The following LARP1 variants were observed in gnomAD, a reference collection of about 807,000 sequenced individuals.
LARP1 encodes the protein la-related protein 1.
Under a neutral mutation model 122.7 loss-of-function variants are expected in LARP1, and 36 were observed. That is an observed-to-expected ratio of 0.29 (90% confidence interval 0.22 to 0.39). The LOEUF is 0.39. Ranked by LOEUF, LARP1 falls within the 10% of genes least tolerant of loss-of-function variation. The probability of loss-of-function intolerance (pLI) is 1.00; values close to 1 mark genes in which losing one functional copy is unlikely to be tolerated. For missense variants in LARP1, 1,040 were observed against 1,403.6 expected (o/e 0.74, Z 4.14); for synonymous variants, 539 against 528.7 (o/e 1.02, Z -0.27).
chr5:154,711,090 A>C (rs1755194379), upstream of LARP1, among the ~76,000 whole-genome samples: 2 of 151,914 alleles, frequency 1.3e-5, no homozygotes, highest in Non-Finnish European at 2.9e-5. Context: ...TGGAATTTTG[A>C]AGACTACTAC....
At chr5:154,688,530 C>T (rs1017763005) in intron 1 of LARP1, among the ~76,000 whole-genome samples, 6 of 151,258 alleles carry the variant, frequency 4.0e-5, no homozygotes, top group South Asian at 2.1e-4. Flanking sequence ...TGGTGGATGC[C>T]GGTCATCCTA....
intron 1 of LARP1, among the ~76,000 whole-genome samples, chr5:154,769,512 A>G (rs978343252): frequency 1.3e-5 from 2 of 152,222 alleles, no homozygotes; most frequent in Non-Finnish European, 2.9e-5. Flanking sequence ...GTTGCACTCA[A>G]TAGAGGTGAG....
chr5:154,794,412 GT>G, intron 7 of LARP1, 150 bp downstream of exon 7: 1 of 703,866 alleles, frequency 1.4e-6, no homozygotes, highest in South Asian at 2.2e-5. Context: ...TATTAAAGAA[GT>G]GATACCACAT....
At chr5:154,685,917 CA>C in intron 1 of LARP1, 1 of 484,884 alleles carries the variant, frequency 2.1e-6, no homozygotes, top group Non-Finnish European at 4.0e-6. Context: ...AATGCTTCCC[CA>C]AGCTACCTCG....
intron 1 of LARP1, among the ~76,000 whole-genome samples, chr5:154,700,082 CT>C (rs1754643509): frequency 1.3e-5 from 2 of 152,100 alleles, no homozygotes. Context: ...AGGGCCTGGA[CT>C]AGGGTGAGGG....
At chr5:154,687,633 G>A (rs533917742) in intron 1 of LARP1, among the ~76,000 whole-genome samples, 5 of 151,972 alleles carry the variant, frequency 3.3e-5, no homozygotes, top group African/African-American at 4.8e-5. Flanking sequence ...TGCCTGCATC[G>A]GCCTCCCAAA....
At chr5:154,799,844 G>T in intron 9 of LARP1, 29 bp from the exon 10 acceptor site, 1 of 1,611,582 alleles carries the variant, frequency 6.2e-7, no homozygotes, top group Non-Finnish European at 8.5e-7. Flanking sequence ...GGACTGGAGG[G>T]ATGAGGACTT....
Position 154,795,233 on chromosome 5 carries a change from G to A in LARP1, c.1291G>A (p.Asp431Asn). The A allele has an allele frequency of 2.5e-6, 4 of 1,613,768 alleles. No homozygotes were observed. Among genetic ancestry groups the A allele is most frequent in the Non-Finnish European group, 3.4e-6 (4 of 1,179,656 alleles). The change falls in exon 8 of 19, where the codon GAT (aspartate) becomes AAT (asparagine). Residue 431 changes from aspartate to asparagine, a missense_variant. Physicochemically the swap from Asp to Asn is conservative, Grantham distance 23. Around this residue, in one of 8 missense-constraint regions of LARP1, gnomAD observed 362 missense variants for 533.1 expected, o/e 0.68. Coordinates refer to ENST00000518297, the MANE Select transcript of LARP1 (RefSeq NM_033551.3). ...ERDFFLRRKMDADGFLPITLI... is the reference protein window; with the variant it reads ...ERDFFLRRKMNADGFLPITLI... The stretch of plus-strand genomic sequence containing the variant: ...AGACTTCTTCCTGCGAAGGAAAATG[G>A]ATGCTGATGGTTTCCTACCCATCAC...
intron 13 of LARP1, 107 bp from the exon 14 acceptor site, chr5:154,804,094 T>C: frequency 1.2e-6 from 1 of 806,778 alleles, no homozygotes; most frequent in Non-Finnish European, 2.1e-6. Flanking sequence ...ATGAAAATGC[T>C]GTTGTAAAAT....
At chr5:154,765,270 C>G (rs1000477776) in intron 1 of LARP1, among the ~76,000 whole-genome samples, 1 of 152,198 alleles carries the variant, frequency 6.6e-6, no homozygotes, top group African/African-American at 2.4e-5. Context: ...GTGCTCTTCC[C>G]GCAGATCACT....
chr5:154,764,613 A>AG (rs953526077), intron 1 of LARP1, among the ~76,000 whole-genome samples: 3 of 149,260 alleles, frequency 2.0e-5, no homozygotes, highest in Non-Finnish European at 4.5e-5. Flanking sequence ...AAAAAAAAAA[A>AG]AAAAAAACTG....
intron 1 of LARP1, chr5:154,757,185 C>A (rs1754023983): frequency 6.6e-6 from 1 of 151,340 alleles, no homozygotes; most frequent in South Asian, 2.1e-4. Flanking sequence ...CGTGGTGCCT[C>A]CCCGCGCGGG....
chr5:154,755,151 T>G (rs1431794545), upstream of LARP1, among the ~76,000 whole-genome samples: 3 of 149,150 alleles, frequency 2.0e-5, no homozygotes, highest in East Asian at 4.0e-4. Flanking sequence ...GCCCGGGAGG[T>G]GCTCTGAGGA....
At chr5:154,807,018 C>T (rs978494850) in intron 15 of LARP1, among the ~76,000 whole-genome samples, 12 of 152,184 alleles carry the variant, frequency 7.9e-5, no homozygotes, top group Admixed American at 2.6e-4. Flanking sequence ...AAACTACTAA[C>T]CTACTTTCTG....
At chr5:154,774,343 G>A (rs1755686289) in intron 1 of LARP1, among the ~76,000 whole-genome samples, 1 of 152,112 alleles carries the variant, frequency 6.6e-6, no homozygotes, top group Non-Finnish European at 1.5e-5. Context: ...ACTGCAGGGA[G>A]TAGCAGCTAT....
chr5:154,745,294 C>T (rs888960712), intron 1 of LARP1, among the ~76,000 whole-genome samples: 1 of 152,198 alleles, frequency 6.6e-6, no homozygotes, highest in Non-Finnish European at 1.5e-5. Flanking sequence ...AGATAAAACA[C>T]CTCATCTTTC....
intron 17 of LARP1, 67 bp from the exon 18 acceptor site, chr5:154,811,446 C>T: frequency 1.9e-6 from 3 of 1,611,610 alleles, no homozygotes; most frequent in Non-Finnish European, 1.7e-6. Flanking sequence ...TATTACACAA[C>T]ACCTCCCTCT....
In LARP1 at chr5:154,808,468, G is replaced by A. The variant is rs1758977934; in HGVS notation, c.2708G>A (p.Arg903His). Reference sequence around the variant, plus strand: ...CTTTCTTTCCCATCAGAGCGGAAACGCTTGGGCATTGGCCAGTCTCAGGAG... The same window carrying A: ...CTTTCTTTCCCATCAGAGCGGAAACACTTGGGCATTGGCCAGTCTCAGGAG... ...YRRRCLNERK[R>H]LGIGQSQEMN... The change falls in exon 16 of 19, where the codon CGC becomes CAC. Residue 903 changes from arginine (R) to histidine (H), a missense_variant. Physicochemically the swap from Arg to His is conservative, Grantham distance 29 (BLOSUM62 0). Transcript: ENST00000518297. 2 of 1,612,548 alleles carry A rather than the reference G, an allele frequency of 1.2e-6. No individual in the cohort carries two copies. The highest frequency in any genetic ancestry group is 1.3e-5 in the African/African-American group (1 of 74,832).
At chr5:154,777,078 C>T (rs767021416) in intron 1 of LARP1, among the ~76,000 whole-genome samples, 34 of 152,128 alleles carry the variant, frequency 2.2e-4, no homozygotes, top group Admixed American at 1.4e-3. Context: ...AATGGCACAA[C>T]GTACTATGGA....
Sources: allele counts gnomAD v4.1 joint callset (sites outside exome capture counted in the v4.1 genomes callset), GRCh38; gene constraint gnomAD v4.1.1; regional missense constraint gnomAD v4.1.1; transcripts MANE v1.5; gene names NCBI Gene and HGNC (gene_info 2026-07-23, HGNC 2026-07-21).